Variants in ST7 observed in about 807,000 individuals in gnomAD.
ST7 encodes the protein suppressor of tumorigenicity 7 protein.
In ST7, 28 loss-of-function variants were observed where a neutral mutation model predicts 78.7. That is an observed-to-expected ratio of 0.36 (90% CI 0.26 to 0.49). The LOEUF is 0.49. ST7 is among the 20% of genes least tolerant of loss of function. ST7 has a pLI of 0.99. For synonymous variants in ST7, 247 were observed against 249.6 expected (o/e 0.99, Z 0.10); for missense variants, 418 against 696.0 (o/e 0.60, Z 4.49).
chr7:117,088,998 G>A lies in ST7; in HGVS notation c.152-10764G>A, dbSNP rs73477372. Among the ~76,000 whole-genome samples the A allele has an allele frequency of 4.2e-3, 638 of 152,300 alleles. 5 individuals are homozygous for A. The highest frequency in any genetic ancestry group is 0.015 in the African/African-American group (621 of 41,570). ...AGCATAAAATAATTACCAAGGGAAG[G>A]CCTTACCTTTGGCCCTCAAACACAG... On this transcript the variant is annotated intron_variant, in intron 1 of 15. Transcript: ENST00000323984.
intron 1 of ST7, chr7:116,954,530 A>T (rs1018402233): frequency 2.0e-5 from 3 of 152,274 alleles, no homozygotes; most frequent in Non-Finnish European, 4.4e-5. Flanking sequence ...GGTAATTAAC[A>T]GGATCTTCAC....
chr7:117,215,392 T>C, intron 13 of ST7, among the ~76,000 whole-genome samples: 1 of 152,198 alleles, frequency 6.6e-6, no homozygotes, highest in East Asian at 1.9e-4. Context: ...TTTTTACTTA[T>C]AAACTAGAGT....
At chr7:116,990,694 C>G (rs918961122) in intron 1 of ST7, among the ~76,000 whole-genome samples, 6 of 152,204 alleles carry the variant, frequency 3.9e-5, no homozygotes, top group Admixed American at 6.5e-5. Flanking sequence ...TTCCATGACC[C>G]TTTAAAATTG....
At chr7:117,112,119 T>TATATATATATATATAA (rs1563090258) in intron 2 of ST7, among the ~76,000 whole-genome samples, 38 of 152,162 alleles carry the variant, frequency 2.5e-4, no homozygotes, top group African/African-American at 9.2e-4. Flanking sequence ...TATATATATA[T>TATATATATATATATAA]ATAACAGAGG....
chr7:117,195,257 C>T (rs1810200440), intron 12 of ST7, among the ~76,000 whole-genome samples: 1 of 152,054 alleles, frequency 6.6e-6, no homozygotes, highest in African/African-American at 2.4e-5. Context: ...AGTTCTTTAA[C>T]CTTAAAAAGG....
At chr7:117,173,934 C>T (rs1340043304) in intron 10 of ST7, among the ~76,000 whole-genome samples, 2 of 151,526 alleles carry the variant, frequency 1.3e-5, no homozygotes, top group African/African-American at 4.9e-5. Flanking sequence ...ATGGGGGTGT[C>T]GAAGAACATA....
chr7:117,143,547 G>A (rs1478661581), intron 9 of ST7, among the ~76,000 whole-genome samples: 2 of 152,118 alleles, frequency 1.3e-5, no homozygotes, highest in Non-Finnish European at 2.9e-5. Context: ...TTTCTGTAGT[G>A]TTTACTGTGT....
chr7:117,145,146 A>G (rs1293759821), intron 9 of ST7, among the ~76,000 whole-genome samples: 1 of 152,150 alleles, frequency 6.6e-6, no homozygotes, highest in Non-Finnish European at 1.5e-5. Flanking sequence ...TTAAGGCTGC[A>G]GTGAGCCATG....
intron 1 of ST7, among the ~76,000 whole-genome samples, chr7:117,035,596 G>A (rs1167646932): frequency 6.6e-6 from 1 of 152,022 alleles, no homozygotes; most frequent in East Asian, 1.9e-4. Context: ...ACAGCAATTT[G>A]ATTAAAGTTT....
intron 12 of ST7, among the ~76,000 whole-genome samples, chr7:117,207,723 A>G (rs1791909300): frequency 1.3e-5 from 2 of 152,218 alleles, no homozygotes; most frequent in Non-Finnish European, 2.9e-5. Flanking sequence ...TATAAACATG[A>G]TCCTTCTTTA....
At position 117,119,690 on chromosome 7, in the gene ST7, G is replaced by A. The variant is rs1563096565; in HGVS notation, c.364G>A (p.Asp122Asn). Reference sequence around the variant, plus strand: ...CAACAATTCTAATTCCAGTAACGGGGACTCAGATTCCAATAGGCAAAGTGT... The same window carrying A: ...CAACAATTCTAATTCCAGTAACGGGAACTCAGATTCCAATAGGCAAAGTGT... The part of the protein sequence containing the change: ...SSNNSNSSNG[D>N]SDSNRQSVSE... Residue 122 changes from aspartate (D) to asparagine (N), a missense_variant, in exon 3 of 16, where the codon GAC becomes AAC. Physicochemically the swap from Asp to Asn is conservative, Grantham distance 23. This residue lies in a region of ST7 where 36 missense variants were observed against 29.7 expected (regional missense o/e 1.21). Transcript: ENST00000323984. The A allele has an allele frequency of 6.2e-7, 1 of 1,613,276 alleles. No homozygotes were observed. The highest frequency in any genetic ancestry group is 1.7e-5 in the Admixed American group (1 of 59,718).
intron 13 of ST7, among the ~76,000 whole-genome samples, chr7:117,211,551 A>G (rs995315514): frequency 6.6e-6 from 1 of 152,198 alleles, no homozygotes; most frequent in Non-Finnish European, 1.5e-5. Context: ...ATTTTTGTAG[A>G]TTGGCATCTT....
In ST7 at chr7:116,978,943, A is replaced by T. The variant is rs62470791; in HGVS notation, c.151+25252A>T. 9.6e-3 allele frequency among the ~76,000 whole-genome samples: 1,468 copies of T among 152,234 alleles called. 12 individuals carry two copies. Among genetic ancestry groups the T allele is most frequent in the Admixed American group, 0.017 (267 of 15,282 alleles). Reference sequence around the variant, plus strand: ...AAATTTAATAAAAGGCTATTTACAGAGGTATTGGCAGGATAATAATAAAGA... The same window carrying T: ...AAATTTAATAAAAGGCTATTTACAGTGGTATTGGCAGGATAATAATAAAGA... On this transcript the variant is annotated intron_variant, in intron 1 of 15. Coordinates refer to ENST00000323984, the MANE Select transcript of ST7 (RefSeq NM_001369598.1).
chr7:117,016,681 T>C (rs1352198446), intron 1 of ST7, among the ~76,000 whole-genome samples: 3 of 152,132 alleles, frequency 2.0e-5, no homozygotes, highest in Non-Finnish European at 4.4e-5. Flanking sequence ...GAGAAAAAAA[T>C]ATGGTTTAAG....
At chr7:117,214,913 T>C (rs1490193682) in intron 13 of ST7, among the ~76,000 whole-genome samples, 2 of 5,960 alleles carry the variant, frequency 3.4e-4, no homozygotes, top group Non-Finnish European at 5.2e-4. Flanking sequence ...AGAACATTTG[T>C]GTGTGTGTGT....
chr7:117,221,612 T>C (rs1362995173), intron 14 of ST7, among the ~76,000 whole-genome samples: 2 of 152,120 alleles, frequency 1.3e-5, no homozygotes, highest in African/African-American at 4.8e-5. Context: ...TGTTTGCTTT[T>C]GAGAAAAAAA....
At chr7:116,963,632 C>CTTTTTTTTT (rs1026576295) in intron 1 of ST7, among the ~76,000 whole-genome samples, 5 of 135,828 alleles carry the variant, frequency 3.7e-5, no homozygotes, top group Admixed American at 7.4e-5. Flanking sequence ...TCTTTTTTTT[C>CTTTTTTTTT]TTTTTTTTTT....
intron 10 of ST7, among the ~76,000 whole-genome samples, chr7:117,171,548 T>A (rs1018020377): frequency 6.6e-6 from 1 of 151,908 alleles, no homozygotes; most frequent in African/African-American, 2.4e-5. Flanking sequence ...TTTGCCATTC[T>A]GGTTACTCAC....
At chr7:117,177,462 C>T (rs1287366513) in intron 10 of ST7, among the ~76,000 whole-genome samples, 1 of 152,194 alleles carries the variant, frequency 6.6e-6, no homozygotes, top group African/African-American at 2.4e-5. Flanking sequence ...CAGCCATTAC[C>T]ATCAGGGAAA....
Sources: allele counts gnomAD v4.1 joint callset (sites outside exome capture counted in the v4.1 genomes callset), GRCh38; gene constraint gnomAD v4.1.1; regional missense constraint gnomAD v4.1.1; transcripts MANE v1.5; gene names NCBI Gene and HGNC (gene_info 2026-07-23, HGNC 2026-07-21).